The following CDH8 variants were observed in gnomAD, a reference collection of about 807,000 sequenced individuals.
CDH8 encodes the protein cadherin 8.
Under a neutral mutation model 68.1 loss-of-function variants are expected in CDH8, and 17 were observed. The ratio of observed to expected loss-of-function variants is 0.25; its 90% CI spans 0.17 to 0.37. The LOEUF (loss-of-function observed/expected upper bound fraction) is 0.37, where lower values mean the gene tolerates loss of function less well. Ranked by LOEUF, CDH8 falls within the 10% of genes least tolerant of loss-of-function variation. CDH8 has a pLI of 1.00. For synonymous variants in CDH8, 372 were observed against 365.1 expected, an observed-to-expected ratio of 1.02 and a Z score of -0.21; for missense variants, 763 against 999.3, an observed-to-expected ratio of 0.76 and a Z score of 3.19.
intron 2 of CDH8, among the ~76,000 whole-genome samples, chr16:61,996,641 G>A (rs1367809757): frequency 1.3e-5 from 2 of 152,076 alleles, no homozygotes; most frequent in Admixed American, 1.3e-4. Context: ...TGGTTCAGTG[G>A]TAATTCAATT....
At chr16:61,953,761 T>C (rs894946944) in intron 2 of CDH8, among the ~76,000 whole-genome samples, 9 of 150,958 alleles carry the variant, frequency 6.0e-5, no homozygotes, top group Admixed American at 1.3e-4. Flanking sequence ...TGCAGCTACT[T>C]GGGGGGCTGA....
At chr16:61,869,769 CAAG>C (rs1363161103) in intron 3 of CDH8, among the ~76,000 whole-genome samples, 2 of 152,038 alleles carry the variant, frequency 1.3e-5, no homozygotes, top group African/African-American at 4.8e-5. Context: ...GAAAGACGCA[CAAG>C]AATAATTTGA....
intron 2 of CDH8, among the ~76,000 whole-genome samples, chr16:61,923,086 T>C (rs1361374126): frequency 6.6e-6 from 1 of 152,206 alleles, no homozygotes; most frequent in Non-Finnish European, 1.5e-5. Context: ...ATAAAGCTTA[T>C]TGACCGGTAA....
intron 3 of CDH8, among the ~76,000 whole-genome samples, chr16:61,890,888 G>A (rs1273685001): frequency 6.6e-6 from 1 of 152,020 alleles, no homozygotes; most frequent in African/African-American, 2.4e-5. Context: ...AGAGTGCACT[G>A]GAAACACCCA....
At chr16:61,850,393 T>G (rs985574356) in intron 4 of CDH8, among the ~76,000 whole-genome samples, 10 of 151,900 alleles carry the variant, frequency 6.6e-5, no homozygotes, top group Admixed American at 1.3e-4. Context: ...AGGCCTCACT[T>G]CCAACATTGG....
chr16:61,876,326 C>T (rs1963459475), intron 3 of CDH8, among the ~76,000 whole-genome samples: 1 of 152,102 alleles, frequency 6.6e-6, no homozygotes, highest in Admixed American at 6.6e-5. Flanking sequence ...ATCAAATAAG[C>T]GTAAATTTCC....
intron 8 of CDH8, among the ~76,000 whole-genome samples, chr16:61,782,267 C>A (rs909816413): frequency 3.9e-5 from 6 of 152,182 alleles, no homozygotes; most frequent in Admixed American, 2.6e-4. Flanking sequence ...CGAGGCATTG[C>A]CTCACCTGGG....
At chr16:61,947,933 T>C (rs998564875) in intron 2 of CDH8, among the ~76,000 whole-genome samples, 1 of 152,118 alleles carries the variant, frequency 6.6e-6, no homozygotes, top group Non-Finnish European at 1.5e-5. Flanking sequence ...TCAGGCAAAC[T>C]CTGTGGTCAA....
chr16:61,931,233 A>C (rs1421169158), intron 2 of CDH8, among the ~76,000 whole-genome samples: 2 of 151,958 alleles, frequency 1.3e-5, no homozygotes, highest in East Asian at 3.9e-4. Context: ...TGGCGTGATC[A>C]CTCCACTGTC....
chr16:61,766,034 G>T (rs1307564162), intron 8 of CDH8, among the ~76,000 whole-genome samples: 1 of 151,762 alleles, frequency 6.6e-6, no homozygotes, highest in East Asian at 1.9e-4. Flanking sequence ...GTGGTTTGGG[G>T]TTACATATAT....
intron 7 of CDH8, among the ~76,000 whole-genome samples, chr16:61,807,478 AAAAAAAC>A (rs923073339): frequency 1.6e-4 from 25 of 151,848 alleles, no homozygotes; most frequent in Middle Eastern, 3.4e-3. Flanking sequence ...AAGTATAATA[AAAAAAAC>A]AAAAAACAAA....
intron 7 of CDH8, among the ~76,000 whole-genome samples, chr16:61,814,635 C>T (rs928018693): frequency 2.0e-5 from 3 of 152,130 alleles, no homozygotes; most frequent in Admixed American, 2.0e-4. Flanking sequence ...TGGATACATT[C>T]TTGTCAGTGT....
chr16:61,926,859 A>G (rs1228691516), intron 2 of CDH8, among the ~76,000 whole-genome samples: 1 of 152,126 alleles, frequency 6.6e-6, no homozygotes, highest in Non-Finnish European at 1.5e-5. Flanking sequence ...TTAAGATATT[A>G]TGTACTTTTT....
chr16:61,689,537 T>A (rs899006044), intron 10 of CDH8, among the ~76,000 whole-genome samples: 1 of 151,970 alleles, frequency 6.6e-6, no homozygotes, highest in African/African-American at 2.4e-5. Flanking sequence ...TTCAGGGCAA[T>A]CATTTAGCCT....
intron 2 of CDH8, among the ~76,000 whole-genome samples, chr16:61,988,008 A>T (rs1390142318): frequency 6.6e-6 from 1 of 152,076 alleles, no homozygotes; most frequent in Non-Finnish European, 1.5e-5. Context: ...AGCATTAGGA[A>T]CCCAGGCTGT....
At chr16:61,919,282 T>C (rs1156313620) in intron 2 of CDH8, among the ~76,000 whole-genome samples, 1 of 148,264 alleles carries the variant, frequency 6.7e-6, no homozygotes, top group African/African-American at 2.5e-5. Context: ...AGGAACGCAG[T>C]TCCTCACCAG....
At chr16:61,922,232 G>A (rs183266683) in intron 2 of CDH8, among the ~76,000 whole-genome samples, 12 of 152,188 alleles carry the variant, frequency 7.9e-5, no homozygotes, top group Middle Eastern at 6.8e-3. Context: ...GCTGTCTGCC[G>A]GATCAATACT....
chr16:61,726,972 T>C, intron 9 of CDH8, 122 bp downstream of exon 9: 4 of 1,000,100 alleles, frequency 4.0e-6, no homozygotes, highest in Non-Finnish European at 4.5e-6. Context: ...CATTTGGATG[T>C]GTTTCTTGCC....
intron 9 of CDH8, among the ~76,000 whole-genome samples, chr16:61,724,124 ATTTAGGTTATGGTTACACT>A (rs1429808265): frequency 6.6e-6 from 1 of 150,666 alleles, no homozygotes; most frequent in African/African-American, 2.4e-5. Flanking sequence ...ATTTCTCCCT[ATTTAGGTTATGGTTACACT>A]TTTGAGAATA....
Sources: allele counts gnomAD v4.1 joint callset (sites outside exome capture counted in the v4.1 genomes callset), GRCh38; gene constraint gnomAD v4.1.1; transcripts MANE v1.5; gene names NCBI Gene and HGNC (gene_info 2026-07-23, HGNC 2026-07-21).